Variants in YY1 observed in about 807,000 individuals in gnomAD.
YY1 encodes the protein YY1 transcription factor.
A neutral mutation model predicts 35.6 loss-of-function variants in YY1; 2 were observed. The ratio of observed to expected loss-of-function variants is 0.06; its 90% CI spans 0.02 to 0.18. The LOEUF is 0.18. YY1 is among the 10% of genes least tolerant of loss of function. The pLI, the probability that YY1 is intolerant of heterozygous loss-of-function variation, is 1.00. For synonymous variants in YY1, 268 were observed against 238.9 expected (o/e 1.12, Z -1.12); for missense variants, 322 against 573.4 (o/e 0.56, Z 4.48).
intron 1 of YY1, among the ~76,000 whole-genome samples, chr14:100,261,098 A>G (rs1595325791): frequency 6.6e-6 from 1 of 151,730 alleles, no homozygotes; most frequent in East Asian, 1.9e-4. Flanking sequence ...CACCTGGCCT[A>G]TTTTTTGTAA....
rs561416237 is a variant in YY1 at position 100,274,684 on chromosome 14, T to C, written c.843-14T>C. The C allele has an allele frequency of 1.2e-6, 2 of 1,612,156 alleles. No individual in the cohort carries two copies. The highest frequency in any genetic ancestry group is 8.5e-7 in the Non-Finnish European group (1 of 1,178,240). On this transcript the variant is annotated splice_polypyrimidine_tract_variant and intron_variant, in intron 2 of 4. Transcript: ENST00000262238. ...TCCTACAAATCTGTCTGTCTCTCTT[T>C]TTCTTTTGATAAGAATGAAGCCAAG...
At position 100,239,437 on chromosome 14, in the gene YY1, C is replaced by T. The variant is rs1275256666; in HGVS notation, c.193C>T (p.His65Tyr). The part of the protein sequence containing the change: ...GGGDHGGGGG[H>Y]GHAGHHHHHH... ...TGGCGACCACGGCGGCGGGGGCGGC[C>T]ACGGGCACGCCGGCCACCACCACCA... is the stretch of plus-strand genomic sequence containing the variant. Residue 65 changes from histidine (H) to tyrosine (Y), a missense_variant, in exon 1 of 5, where the codon CAC (histidine) becomes TAC (tyrosine). This residue lies in a region of YY1 where 137 missense variants were observed against 167.0 expected (regional missense o/e 0.82). Coordinates refer to ENST00000262238, the MANE Select transcript of YY1 (RefSeq NM_003403.5). 10 of 1,590,560 alleles carry T rather than the reference C, an allele frequency of 6.3e-6. No homozygotes were observed. Among genetic ancestry groups the T allele is most frequent in the Admixed American group, 1.7e-5 (1 of 57,894 alleles).
intron 2 of YY1, among the ~76,000 whole-genome samples, chr14:100,266,403 G>A (rs1891155651): frequency 1.3e-5 from 2 of 152,174 alleles, no homozygotes; most frequent in Admixed American, 6.5e-5. Flanking sequence ...CTGAAGGAAA[G>A]GTTTTGAAGA....
At chr14:100,274,573 T>G (rs376136436) in intron 2 of YY1, 125 bp from the exon 3 acceptor site, 2 of 781,696 alleles carry the variant, frequency 2.6e-6, no homozygotes, top group South Asian at 3.1e-5. Context: ...TTCTGCTTCA[T>G]GGAAATGTAT....
intron 2 of YY1, among the ~76,000 whole-genome samples, chr14:100,266,440 G>T (rs1258659540): frequency 6.6e-6 from 1 of 152,210 alleles, no homozygotes; most frequent in South Asian, 2.1e-4. Flanking sequence ...GTGGTGAGCA[G>T]TAAAGCCATT....
In YY1 at chr14:100,277,742, A is replaced by T; in HGVS notation, c.*142A>T. 1 of 931,590 alleles carries T rather than the reference A, an allele frequency of 1.1e-6. No individual in the cohort carries two copies. The highest frequency in any genetic ancestry group is 2.8e-5 in the Admixed American group (1 of 35,490). 57.7% of individuals were successfully genotyped at this position (931,590 alleles called of 1,614,324 possible). On this transcript the variant is annotated 3_prime_UTR_variant, in exon 5 of 5. Transcript: ENST00000262238. The surrounding 1 kb of genome is among the most constrained non-coding windows in gnomAD (Gnocchi z 5.6). ...ACACACCTAAGGGACATGTTTTGAT[A>T]AAGTAGTAAAAATTAAAAAAAAAAA...
At chr14:100,257,356 A>G (rs1045797374) in intron 1 of YY1, among the ~76,000 whole-genome samples, 4 of 152,120 alleles carry the variant, frequency 2.6e-5, no homozygotes, top group African/African-American at 9.7e-5. Context: ...AACTAATGAT[A>G]ATAATCATTT....
At chr14:100,255,120 G>A (rs943883387) in intron 1 of YY1, among the ~76,000 whole-genome samples, 1 of 151,186 alleles carries the variant, frequency 6.6e-6, no homozygotes, top group African/African-American at 2.4e-5. Flanking sequence ...ATATTTTCTT[G>A]TTCACAATTT....
intron 1 of YY1, among the ~76,000 whole-genome samples, chr14:100,240,750 T>G (rs969559182): frequency 3.3e-5 from 5 of 152,116 alleles, no homozygotes; most frequent in Non-Finnish European, 7.3e-5. Flanking sequence ...GGAAAGGGCC[T>G]GTGAATGTTA....
intron 1 of YY1, among the ~76,000 whole-genome samples, chr14:100,251,849 A>G (rs1890930082): frequency 6.6e-6 from 1 of 151,866 alleles, no homozygotes; most frequent in Admixed American, 6.6e-5. Flanking sequence ...GCTGGTCTCT[A>G]ATTCCTGGCC....
intron 1 of YY1, among the ~76,000 whole-genome samples, chr14:100,254,562 G>A (rs1890972685): frequency 1.3e-5 from 2 of 151,930 alleles, no homozygotes. Flanking sequence ...GGTTCAAGCG[G>A]TTCTTTTGCC....
rs530902142 is a variant in YY1 at position 100,248,810 on chromosome 14, C to A, written c.679+8887C>A. On this transcript the variant is annotated intron_variant, in intron 1 of 4. Transcript: ENST00000262238. ...TCACACCATTCTCCTTCCTCAGCCT[C>A]CCGAGTAGCTGGGACTACAGGCGCC... Among the ~76,000 whole-genome samples the A allele has an allele frequency of 3.3e-5, 5 of 151,540 alleles. No individual in the cohort carries two copies. The South Asian group carries it at 8.4e-4, about 25-fold the overall frequency.
chr14:100,239,996 T>C, intron 1 of YY1, 73 bp downstream of exon 1: 2 of 1,398,508 alleles, frequency 1.4e-6, no homozygotes, highest in Non-Finnish European at 1.9e-6. Context: ...ATGTGTGTGA[T>C]GGGCGCCGCC....
chr14:100,253,777 C>T (rs1002362862), intron 1 of YY1, among the ~76,000 whole-genome samples: 24 of 152,070 alleles, frequency 1.6e-4, no homozygotes, highest in Admixed American at 1.4e-3. Context: ...TGAGCCACTG[C>T]GCTGGGCCAG....
In YY1 at chr14:100,278,609, GATT is replaced by G. The variant is rs1270118820; in HGVS notation, c.*1013_*1015del. On this transcript the variant is annotated 3_prime_UTR_variant, in exon 5 of 5. Transcript: ENST00000262238. Reference sequence around the variant, plus strand: ...CCTTTATTTTGCACTCAATTACAGTGATTATTGATGAAAGCGATGCATGGATAT... The same window carrying G: ...CCTTTATTTTGCACTCAATTACAGTGATTGATGAAAGCGATGCATGGATAT... The G allele has an allele frequency of 2.6e-5, 4 of 152,246 alleles. No homozygotes were observed. The highest frequency in any genetic ancestry group is 7.2e-5 in the African/African-American group (3 of 41,476). The allele number at this position is 152,246 out of a possible 1,614,324, so 9.4% of individuals were successfully genotyped here.
At chr14:100,268,160 A>G (rs2139595581) in intron 2 of YY1, among the ~76,000 whole-genome samples, 1 of 152,328 alleles carries the variant, frequency 6.6e-6, no homozygotes, top group Non-Finnish European at 1.5e-5. Context: ...CTTAAGGTAG[A>G]ATGTAAGCTG....
intron 1 of YY1, among the ~76,000 whole-genome samples, chr14:100,258,321 C>A (rs182923756): frequency 1.3e-5 from 2 of 152,188 alleles, no homozygotes; most frequent in Admixed American, 6.5e-5. Context: ...GAATTTGAGT[C>A]CTGGGTTTGT....
At chr14:100,265,052 C>G (rs1046396392) in intron 2 of YY1, among the ~76,000 whole-genome samples, 1 of 151,986 alleles carries the variant, frequency 6.6e-6, no homozygotes, top group Non-Finnish European at 1.5e-5. Flanking sequence ...TGCCCTCCAG[C>G]TTGGGTGACA....
At chr14:100,244,320 C>CTTTTTTTTTTT (rs869125410) in intron 1 of YY1, among the ~76,000 whole-genome samples, 1 of 89,704 alleles carries the variant, frequency 1.1e-5, no homozygotes, top group African/African-American at 4.6e-5. Context: ...TCCTTTTTTA[C>CTTTTTTTTTTT]TTTTTTTTTT....
Sources: allele counts gnomAD v4.1 joint callset (sites outside exome capture counted in the v4.1 genomes callset), GRCh38; gene constraint gnomAD v4.1.1; regional missense constraint gnomAD v4.1.1; non-coding constraint Gnocchi (gnomAD v3.1); transcripts MANE v1.5; gene names NCBI Gene and HGNC (gene_info 2026-07-23, HGNC 2026-07-21).